The following PDZD9 variants were observed in gnomAD, a reference collection of about 807,000 sequenced individuals.
PDZD9 encodes PDZ domain containing 9.
A neutral mutation model predicts 16.3 loss-of-function variants in PDZD9; 13 were observed. The observed-to-expected ratio is 0.80, with a 90% CI of 0.52 to 1.27. The LOEUF (loss-of-function observed/expected upper bound fraction) is 1.27. Ranked by LOEUF, PDZD9 falls within the 50% of genes most tolerant of loss-of-function variation. The pLI, the probability that PDZD9 is intolerant of heterozygous loss-of-function variation, is 0.00. For synonymous variants in PDZD9, 120 were observed against 111.0 expected (o/e 1.08, Z -0.51); for missense variants, 288 against 310.9 (o/e 0.93, Z 0.55).
intron 2 of PDZD9, among the ~76,000 whole-genome samples, chr16:21,995,041 C>T (rs1409662298): frequency 6.6e-6 from 1 of 152,024 alleles, no homozygotes; most frequent in Non-Finnish European, 1.5e-5. Flanking sequence ...TTTGTGTCCC[C>T]GCCCACATCT....
At chr16:21,965,946 A>T in the PDZD9 span, among the ~76,000 whole-genome samples, 1 of 152,090 alleles carries the variant, frequency 6.6e-6, no homozygotes, top group Non-Finnish European at 1.5e-5. Context: ...TGCCTCTCAA[A>T]GTGCTGGGAT....
the PDZD9 span, among the ~76,000 whole-genome samples, chr16:21,960,391 T>C: frequency 6.6e-6 from 1 of 152,232 alleles, no homozygotes; most frequent in Non-Finnish European, 1.5e-5. Flanking sequence ...TTCATATAAT[T>C]GAAGAGAGTT....
chr16:21,971,942 T>A, the PDZD9 span: 1 of 1,614,152 alleles, frequency 6.2e-7, no homozygotes. Flanking sequence ...GAGAACAGAA[T>A]GGAGACAGTC....
chr16:21,980,592 G>C, downstream of PDZD9: 2 of 1,614,200 alleles, frequency 1.2e-6, no homozygotes, highest in Non-Finnish European at 1.7e-6. Flanking sequence ...AGTCTTCTGA[G>C]TGTTTCCTGG....
the PDZD9 span, chr16:21,965,316 A>C: frequency 1.6e-6 from 2 of 1,261,558 alleles, no homozygotes; most frequent in African/African-American, 3.0e-5. Context: ...GAAGATGACC[A>C]AATTTGTATA....
At chr16:21,963,125 A>G in the PDZD9 span, 2 of 325,618 alleles carry the variant, frequency 6.1e-6, no homozygotes, top group East Asian at 1.3e-4. Flanking sequence ...AGCAGCTGGA[A>G]TTATAGGTGT....
chr16:21,971,828 C>T, the PDZD9 span: 18 of 1,547,446 alleles, frequency 1.2e-5, no homozygotes, highest in African/African-American at 2.7e-5. Context: ...AGAAAAGACT[C>T]GTGGGTTAAT....
chr16:21,984,594 T>C lies in PDZD9; in HGVS notation c.468A>G (p.Val156=), dbSNP rs748442020. ...SFTSSDDNEN[V]DLDKRLQYYR... Reference sequence around the variant, plus strand: ...AATATTGAAGTCTTTTATCTAAATCTACATTTTCATTATCATCACTGCTTG... The same window carrying C: ...AATATTGAAGTCTTTTATCTAAATCCACATTTTCATTATCATCACTGCTTG... Residue 156 remains valine (V), a synonymous_variant, in exon 4 of 4, where the codon GTA becomes GTG. Coordinates refer to ENST00000424898, the MANE Select transcript of PDZD9 (RefSeq NM_001363519.1). 2 of 1,550,586 alleles carry C rather than the reference T, an allele frequency of 1.3e-6. No individual in the cohort carries two copies. Among genetic ancestry groups the C allele is most frequent in the East Asian group, 2.3e-5 (1 of 43,778 alleles).
chr16:21,979,423 A>T (rs1262073147), downstream of PDZD9, among the ~76,000 whole-genome samples: 1 of 152,190 alleles, frequency 6.6e-6, no homozygotes, highest in Non-Finnish European at 1.5e-5. Flanking sequence ...TGTGAACCTC[A>T]GTGTTCAGAC....
the PDZD9 span, chr16:21,968,353 A>G: frequency 8.3e-6 from 2 of 242,064 alleles, no homozygotes; most frequent in Non-Finnish European, 1.6e-5. Context: ...AATTCACCAT[A>G]CTATACAACC....
the PDZD9 span, chr16:21,972,097 C>G: frequency 1.9e-6 from 3 of 1,613,854 alleles, no homozygotes; most frequent in Non-Finnish European, 2.5e-6. Flanking sequence ...CAGGCTGTTG[C>G]CAAGGCAACT....
the PDZD9 span, chr16:21,958,700 A>T: frequency 2.0e-6 from 2 of 1,000,132 alleles, no homozygotes; most frequent in Non-Finnish European, 1.5e-6. Context: ...TTTCTTAAGC[A>T]ACATAAGAAG....
the PDZD9 span, chr16:21,976,786 A>T: frequency 1.3e-5 from 2 of 152,232 alleles, no homozygotes; most frequent in African/African-American, 4.8e-5. Flanking sequence ...TCCTTATTAT[A>T]GAAGTTTGAA....
downstream of PDZD9, chr16:21,980,340 G>T (rs959111567): frequency 2.8e-5 from 16 of 574,146 alleles, no homozygotes; most frequent in Non-Finnish European, 4.7e-5. Flanking sequence ...TGGCAACCCT[G>T]AAGAGACTTC....
intron 3 of PDZD9, among the ~76,000 whole-genome samples, chr16:21,985,938 AT>A (rs1005318699): frequency 2.7e-5 from 4 of 150,434 alleles, no homozygotes; most frequent in Admixed American, 6.6e-5. Context: ...CAGCACATGA[AT>A]TTTTTTTTTA....
At chr16:21,994,769 T>C (rs991489069) in intron 2 of PDZD9, among the ~76,000 whole-genome samples, 1 of 152,112 alleles carries the variant, frequency 6.6e-6, no homozygotes, top group African/African-American at 2.4e-5. Context: ...AATCCCCACT[T>C]AGGAGAAACA....
the PDZD9 span, chr16:21,972,051 G>A: frequency 6.2e-7 from 1 of 1,614,072 alleles, no homozygotes; most frequent in Non-Finnish European, 8.5e-7. Flanking sequence ...TGGGCCACAT[G>A]TCAAGAGGGG....
downstream of PDZD9, among the ~76,000 whole-genome samples, chr16:21,981,945 A>G (rs1898740494): frequency 6.8e-6 from 1 of 147,026 alleles, no homozygotes; most frequent in Admixed American, 6.8e-5. Flanking sequence ...GGTTCACGCC[A>G]TTTTCCTGCC....
the PDZD9 span, among the ~76,000 whole-genome samples, chr16:21,974,131 T>A: frequency 6.6e-6 from 1 of 152,200 alleles, no homozygotes; most frequent in Admixed American, 6.5e-5. Flanking sequence ...TTATCTGCTA[T>A]AGGGAAATTT....
Sources: allele counts gnomAD v4.1 joint callset (sites outside exome capture counted in the v4.1 genomes callset), GRCh38; gene constraint gnomAD v4.1.1; transcripts MANE v1.5; gene names NCBI Gene and HGNC (gene_info 2026-07-23, HGNC 2026-07-21).